MYO3A: variants seen among roughly 807,000 people sequenced by gnomAD.
MYO3A encodes myosin-IIIa.
MYO3A carries 180 observed loss-of-function variants against 192.7 expected under a neutral mutation model. The observed-to-expected ratio is 0.93, with a 90% CI of 0.83 to 1.06. The LOEUF (loss-of-function observed/expected upper bound fraction) is 1.06. Ranked by LOEUF, MYO3A falls within the 50% of genes least tolerant of loss-of-function variation. MYO3A has a pLI of 0.00. For synonymous variants in MYO3A, 628 were observed against 645.3 expected (o/e 0.97, Z 0.41); for missense variants, 1,896 against 1,905.0 (o/e 1.00, Z 0.09).
At position 26,068,876 on chromosome 10, in the gene MYO3A, T is replaced by C. The variant is rs917537176; in HGVS notation, c.1162T>C (p.Ser388Pro). ...CCCTTTTCAGAGTCTGGGTCTTTACTCCACAAAGGTATGTCGTATGGGGTG... is the reference window on the plus strand; with the variant it reads ...CCCTTTTCAGAGTCTGGGTCTTTACCCCACAAAGGTATGTCGTATGGGGTG... ...LNPFQSLGLYSTKHSKLYIGS... is the reference protein window; with the variant it reads ...LNPFQSLGLYPTKHSKLYIGS... The change falls in exon 12 of 35, where the codon TCC becomes CCC. Residue 388 changes from serine to proline, a missense_variant. By Grantham distance (74) the Ser-to-Pro change is moderately conservative. Coordinates refer to ENST00000642920, the MANE Select transcript of MYO3A (RefSeq NM_017433.5). 7.0e-6 allele frequency: 11 copies of C among 1,565,922 alleles called. No homozygotes were observed. Among genetic ancestry groups the C allele is most frequent in the Non-Finnish European group, 9.7e-6 (11 of 1,136,398 alleles).
chr10:26,067,186 G>A, intron 11 of MYO3A, 112 bp downstream of exon 11: 1 of 730,448 alleles, frequency 1.4e-6, no homozygotes, highest in Non-Finnish European at 2.4e-6. Flanking sequence ...TGGTTATTAA[G>A]AATCTTAACA....
At chr10:26,001,970 G>A (rs1436996958) in intron 6 of MYO3A, among the ~76,000 whole-genome samples, 1 of 152,224 alleles carries the variant, frequency 6.6e-6, no homozygotes, top group African/African-American at 2.4e-5. Flanking sequence ...CTGGGTGGCA[G>A]AGTGAGACCC....
intron 30 of MYO3A, among the ~76,000 whole-genome samples, chr10:26,174,955 C>T (rs551521647): frequency 6.6e-6 from 1 of 152,156 alleles, no homozygotes; most frequent in South Asian, 2.1e-4. Context: ...TTTGAGAAGA[C>T]ATAATTAGGT....
At chr10:26,043,149 G>GTCTCTCTCTCTCTCTCTCTCTCTCTCTC (rs59621862) in intron 10 of MYO3A, among the ~76,000 whole-genome samples, 1 of 143,274 alleles carries the variant, frequency 7.0e-6, no homozygotes, top group Non-Finnish European at 1.5e-5. Flanking sequence ...GCCAAACAGA[G>GTCTCTCTCTCTCTCTCTCTCTCTCTCTC]TCTCTCTCTC....
chr10:25,967,628 G>A (rs1265860489), intron 4 of MYO3A, among the ~76,000 whole-genome samples: 1 of 152,146 alleles, frequency 6.6e-6, no homozygotes, highest in East Asian at 1.9e-4. Context: ...TCAGTCAATA[G>A]AGTCAGACCC....
At chr10:26,091,798 G>A (rs1218033973) in intron 15 of MYO3A, among the ~76,000 whole-genome samples, 1 of 152,198 alleles carries the variant, frequency 6.6e-6, no homozygotes, top group African/African-American at 2.4e-5. Context: ...GACTGAGTTG[G>A]AGTTTGAAGC....
At chr10:25,970,657 T>TTA (rs1838581148) in intron 4 of MYO3A, among the ~76,000 whole-genome samples, 2 of 151,860 alleles carry the variant, frequency 1.3e-5, no homozygotes, top group Non-Finnish European at 2.9e-5. Flanking sequence ...TGTCTCTTAA[T>TTA]AAAGTAAATA....
rs138018571 is a variant in MYO3A at position 25,997,054 on chromosome 10, A to C, written c.409-105A>C. On this transcript the variant is annotated intron_variant, in intron 5 of 34. Transcript: ENST00000642920. ...TGAAACATTTGAGTGTCTGAATGTT[A>C]ATTTTATTATGTGTTTCCTATTGAT... 1.9e-5 allele frequency: 16 copies of C among 829,118 alleles called. No homozygotes were observed. The African/African-American group carries it at 2.7e-4, about 14-fold the overall frequency. The allele number at this position is 829,118 out of a possible 1,614,324, so 51.4% of individuals were successfully genotyped here. A position where few individuals can be genotyped will look rare whatever the true frequency, so the allele number is the denominator to read the frequency against.
intron 34 of MYO3A, among the ~76,000 whole-genome samples, chr10:26,207,947 G>T (rs1255321992): frequency 6.6e-6 from 1 of 152,028 alleles, no homozygotes; most frequent in African/African-American, 2.4e-5. Flanking sequence ...CTGCAATTTT[G>T]TTCATCAATG....
chr10:26,098,789 G>A (rs1353041358), intron 17 of MYO3A, among the ~76,000 whole-genome samples: 3 of 152,188 alleles, frequency 2.0e-5, no homozygotes, highest in African/African-American at 7.2e-5. Context: ...TTTGGTACCA[G>A]TACCATACTG....
intron 15 of MYO3A, among the ~76,000 whole-genome samples, chr10:26,089,998 C>G (rs1408214161): frequency 6.6e-6 from 1 of 152,218 alleles, no homozygotes; most frequent in Non-Finnish European, 1.5e-5. Flanking sequence ...TTATTGATGT[C>G]TGTCCAGTGC....
chr10:26,007,094 C>T (rs1256424818), intron 6 of MYO3A, among the ~76,000 whole-genome samples: 31 of 148,246 alleles, frequency 2.1e-4, no homozygotes, highest in African/African-American at 7.8e-4. Context: ...AATCAATAAA[C>T]GTAATCCAGC....
At chr10:26,093,095 TAAC>T (rs1237703943) in intron 15 of MYO3A, among the ~76,000 whole-genome samples, 12 of 152,210 alleles carry the variant, frequency 7.9e-5, no homozygotes, top group Admixed American at 1.3e-4. Flanking sequence ...TGTACATTGT[TAAC>T]AATCACAAAT....
chr10:26,196,008 T>C (rs187247685), intron 32 of MYO3A, among the ~76,000 whole-genome samples: 12 of 152,326 alleles, frequency 7.9e-5, no homozygotes, highest in African/African-American at 2.6e-4. Context: ...AGGAGTAAAT[T>C]GAGAAAAATC....
intron 2 of MYO3A, among the ~76,000 whole-genome samples, chr10:25,944,661 A>T (rs1836722097): frequency 6.6e-6 from 1 of 152,056 alleles, no homozygotes; most frequent in South Asian, 2.1e-4. Context: ...GAATTTGTCC[A>T]CTTCATCTAG....
chr10:26,076,268 A>G (rs1238813982), intron 14 of MYO3A, among the ~76,000 whole-genome samples: 1 of 151,988 alleles, frequency 6.6e-6, no homozygotes, highest in Non-Finnish European at 1.5e-5. Context: ...CCATTTTTTC[A>G]TATGTTTGTT....
intron 6 of MYO3A, among the ~76,000 whole-genome samples, chr10:26,013,223 A>G (rs1014827989): frequency 6.6e-6 from 1 of 152,096 alleles, no homozygotes; most frequent in East Asian, 1.9e-4. Flanking sequence ...TAGGCAAAGA[A>G]TTCATGACTA....
At chr10:26,183,379 CG>C (rs1442616885) in intron 31 of MYO3A, among the ~76,000 whole-genome samples, 1 of 151,964 alleles carries the variant, frequency 6.6e-6, no homozygotes, top group Admixed American at 6.6e-5. Context: ...AAAAATTAGC[CG>C]GGCTTGGTGG....
chr10:26,043,097 G>C (rs899381216), intron 10 of MYO3A, among the ~76,000 whole-genome samples: 2 of 151,478 alleles, frequency 1.3e-5, no homozygotes, highest in Admixed American at 1.3e-4. Flanking sequence ...ATAATTTCCT[G>C]GATTGCCAAG....
Sources: allele counts gnomAD v4.1 joint callset (sites outside exome capture counted in the v4.1 genomes callset), GRCh38; gene constraint gnomAD v4.1.1; transcripts MANE v1.5; gene names NCBI Gene and HGNC (gene_info 2026-07-23, HGNC 2026-07-21).